Variants in GRM7 observed in about 807,000 individuals in gnomAD.
The protein encoded by GRM7 is glutamate metabotropic receptor 7, also known as metabotropic glutamate receptor 7.
A neutral mutation model predicts 84.5 loss-of-function variants in GRM7; 35 were observed. The ratio of observed to expected loss-of-function variants is 0.41; its 90% CI spans 0.32 to 0.55. The LOEUF (loss-of-function observed/expected upper bound fraction) is 0.55. Ranked by LOEUF, GRM7 falls within the 20% of genes least tolerant of loss-of-function variation. GRM7 has a pLI of 0.19. For missense variants in GRM7, 1,003 were observed against 1,194.6 expected (o/e 0.84, Z 2.36); for synonymous variants, 487 against 455.1 (o/e 1.07, Z -0.89).
At chr3:7,083,774 G>T (rs1196003463) in intron 1 of GRM7, among the ~76,000 whole-genome samples, 1 of 152,086 alleles carries the variant, frequency 6.6e-6, no homozygotes, top group African/African-American at 2.4e-5. Context: ...CTAAATTTTA[G>T]ACGTATTCTC....
At chr3:7,260,674 T>TGTGTGTGC (rs1553638957) in intron 2 of GRM7, among the ~76,000 whole-genome samples, 1 of 6,066 alleles carries the variant, frequency 1.6e-4, no homozygotes, top group African/African-American at 3.1e-4. Flanking sequence ...TCTTTTGAAT[T>TGTGTGTGC]GTGTGTGTGT....
chr3:7,178,376 G>GT (rs908528147), intron 2 of GRM7, among the ~76,000 whole-genome samples: 35 of 147,872 alleles, frequency 2.4e-4, no homozygotes, highest in African/African-American at 4.7e-4. Flanking sequence ...TCAGATTTTG[G>GT]TTTTTTTTTT....
chr3:7,174,092 G>C (rs1169255101), intron 2 of GRM7, among the ~76,000 whole-genome samples: 3 of 152,168 alleles, frequency 2.0e-5, no homozygotes, highest in African/African-American at 7.2e-5. Flanking sequence ...CTATTTTGAA[G>C]GGTGGCTAGT....
intron 2 of GRM7, among the ~76,000 whole-genome samples, chr3:7,179,743 T>G (rs1387349748): frequency 6.6e-6 from 1 of 152,186 alleles, no homozygotes; most frequent in Non-Finnish European, 1.5e-5. Context: ...GTGCAATGCT[T>G]GTCTTAAACT....
At chr3:7,607,080 T>C (rs1414926396) in intron 8 of GRM7, 2 of 152,192 alleles carry the variant, frequency 1.3e-5, no homozygotes, top group East Asian at 3.9e-4. Context: ...CCAAGGCAGA[T>C]GAGTTTTACT....
chr3:6,962,795 G>T (rs951162011), intron 1 of GRM7, among the ~76,000 whole-genome samples: 1 of 152,204 alleles, frequency 6.6e-6, no homozygotes, highest in Non-Finnish European at 1.5e-5. Context: ...GAGGGGGACA[G>T]TTCCAGGTTT....
At chr3:7,644,599 G>A (rs1271903720) in intron 8 of GRM7, among the ~76,000 whole-genome samples, 1 of 152,176 alleles carries the variant, frequency 6.6e-6, no homozygotes, top group Non-Finnish European at 1.5e-5. Context: ...GCTGAAGACT[G>A]TAACATGGTA....
chr3:7,389,537 G>A (rs927253325), intron 4 of GRM7, among the ~76,000 whole-genome samples: 1 of 152,024 alleles, frequency 6.6e-6, no homozygotes, highest in Non-Finnish European at 1.5e-5. Context: ...ATAAGTCCAG[G>A]TGCTCCAATG....
rs1559514679 is a variant in GRM7, at chr3:7,229,751, ATATATATATTTTTT to A, written c.737-68931_737-68918del. ...CATATATATATATATATATATATAT[ATATATATATTTTTT>A]TTTTTTTTTGGTTGACAGGTGTTGA... On this transcript the variant is annotated intron_variant, in intron 2 of 9. Transcript: ENST00000357716. 7.0e-4 allele frequency among the ~76,000 whole-genome samples: 20 copies of A among 28,646 alleles called. 1 individual carries two copies. The highest frequency in any genetic ancestry group is 1.3e-3 in the Non-Finnish European group (19 of 15,152). The allele number at this position is 28,646 out of a possible 152,430, so 18.8% of individuals were successfully genotyped here. A position where few individuals can be genotyped will look rare whatever the true frequency, so the allele number is the denominator to read the frequency against.
At chr3:7,150,208 G>A (rs569843242) in intron 2 of GRM7, among the ~76,000 whole-genome samples, 2 of 152,122 alleles carry the variant, frequency 1.3e-5, no homozygotes, top group South Asian at 2.1e-4. Context: ...TGACTTTGAA[G>A]GTTGTGATTC....
At chr3:7,165,703 C>G (rs1433803662) in intron 2 of GRM7, among the ~76,000 whole-genome samples, 1 of 152,180 alleles carries the variant, frequency 6.6e-6, no homozygotes, top group Non-Finnish European at 1.5e-5. Context: ...GGACAAGTCT[C>G]TTCAGGAGAT....
intron 9 of GRM7, among the ~76,000 whole-genome samples, chr3:7,729,429 T>A (rs1321854006): frequency 6.6e-6 from 1 of 152,204 alleles, no homozygotes; most frequent in Non-Finnish European, 1.5e-5. Flanking sequence ...AAGAAGGCTA[T>A]GATGTGTCAG....
Position 7,128,593 on chromosome 3 carries a change from C to T in GRM7, c.520-17859C>T, listed in dbSNP as rs961089947. Among the ~76,000 whole-genome samples, 30 of 130,748 alleles carry T rather than the reference C, an allele frequency of 2.3e-4. 4 individuals are homozygous for T. The highest frequency in any genetic ancestry group is 8.0e-4 in the African/African-American group (27 of 33,872). 85.8% of individuals were successfully genotyped at this position (130,748 alleles called of 152,430 possible). A position where few individuals can be genotyped will look rare whatever the true frequency, so the allele number is the denominator to read the frequency against. ...CGCGATCTGTGTTCACTGCAACCTC[C>T]GCCTCCCAGGTTCAGCGATTCTCTT... On this transcript the variant is annotated intron_variant, in intron 1 of 9. Coordinates refer to ENST00000357716, the MANE Select transcript of GRM7 (RefSeq NM_000844.4).
intron 1 of GRM7, among the ~76,000 whole-genome samples, chr3:6,950,094 G>A (rs1692675682): frequency 6.6e-6 from 1 of 152,072 alleles, no homozygotes; most frequent in African/African-American, 2.4e-5. Context: ...TCCTTTGCTG[G>A]TGAGGAGCTG....
rs182589682 is a variant in GRM7 at position 7,315,776 on chromosome 3, C to T, written c.1033+9124C>T. Among the ~76,000 whole-genome samples, 603 of 152,160 alleles carry T rather than the reference C, an allele frequency of 4.0e-3. 4 individuals are homozygous for T. Among genetic ancestry groups the T allele is most frequent in the African/African-American group, 0.013 (558 of 41,538 alleles). On this transcript the variant is annotated intron_variant, in intron 4 of 9. Coordinates refer to ENST00000357716, the MANE Select transcript of GRM7 (RefSeq NM_000844.4). ...TTTGTCTTTTTCTTGATTTAATGTT[C>T]ACTTGGTTGCTGTAAACCTTTGAGT...
chr3:7,511,968 A>G (rs1256429131), intron 7 of GRM7, among the ~76,000 whole-genome samples: 2 of 152,016 alleles, frequency 1.3e-5, no homozygotes, highest in Non-Finnish European at 2.9e-5. Context: ...ATAGTGAGAC[A>G]CTGTCTCCAC....
chr3:7,186,615 ATGTC>A (rs747864657), intron 2 of GRM7, among the ~76,000 whole-genome samples: 1 of 152,136 alleles, frequency 6.6e-6, no homozygotes, highest in Non-Finnish European at 1.5e-5. Context: ...TCAGACAATA[ATGTC>A]TGTCTGTCTG....
Position 7,597,612 on chromosome 3 carries a change from G to A in GRM7, c.2451+18255G>A, listed in dbSNP as rs537697800. Among the ~76,000 whole-genome samples, 3 of 152,052 alleles carry A rather than the reference G, an allele frequency of 2.0e-5. No homozygotes were observed. The South Asian group carries it at 6.3e-4, about 32-fold the overall frequency. ...TCATTGTGCACGTGAAGGGTATGAGGTTTCCATCTATTAGATAGTGCACAT... is the reference window on the plus strand; with the variant it reads ...TCATTGTGCACGTGAAGGGTATGAGATTTCCATCTATTAGATAGTGCACAT... On this transcript the variant is annotated intron_variant, in intron 8 of 9. Transcript: ENST00000357716.
intron 4 of GRM7, among the ~76,000 whole-genome samples, chr3:7,379,825 A>C (rs140430525): frequency 3.8e-4 from 58 of 152,098 alleles, no homozygotes; most frequent in African/African-American, 1.4e-3. Context: ...CTGTATTTTT[A>C]GTTGCCCAGG....
Sources: gnomAD v4.1 joint callset for allele counts (sites outside exome capture counted in the v4.1 genomes callset) on GRCh38, gnomAD v4.1.1 for gene constraint, MANE v1.5 for transcripts, NCBI Gene and HGNC (gene_info 2026-07-23, HGNC 2026-07-21) for gene names.